TJP1: variants seen among roughly 807,000 people sequenced by gnomAD.
TJP1 encodes tight junction protein 1.
A neutral mutation model predicts 194.2 loss-of-function variants in TJP1; 43 were observed. The ratio of observed to expected loss-of-function variants is 0.22; its 90% CI spans 0.17 to 0.29. The LOEUF (loss-of-function observed/expected upper bound fraction) is 0.29. Ranked by LOEUF, TJP1 falls within the 10% of genes least tolerant of loss-of-function variation. The pLI, the probability that TJP1 is intolerant of heterozygous loss-of-function variation, is 1.00. For missense variants in TJP1, 1,971 were observed against 2,185.7 expected (o/e 0.90, Z 1.96); for synonymous variants, 801 against 779.0 (o/e 1.03, Z -0.47).
At chr15:29,791,658 G>C (rs2048101996) in intron 2 of TJP1, among the ~76,000 whole-genome samples, 2 of 152,092 alleles carry the variant, frequency 1.3e-5, no homozygotes, top group South Asian at 2.1e-4. Context: ...CTCCCAAAGT[G>C]CTGGGATTAC....
intron 8 of TJP1, among the ~76,000 whole-genome samples, chr15:29,753,822 G>GA (rs59926060): frequency 0.18 from 12,606 of 68,252 alleles, 541 homozygotes; most frequent in East Asian, 0.21. Context: ...AAGGGAAACA[G>GA]AAAAAAAAAA....
At chr15:29,750,465 C>T (rs1458871800) in intron 8 of TJP1, among the ~76,000 whole-genome samples, 1 of 152,164 alleles carries the variant, frequency 6.6e-6, no homozygotes, top group African/African-American at 2.4e-5. Context: ...ATCTTCAGAG[C>T]TCTCTTTAGT....
At chr15:29,860,596 T>TATTA (rs1301398807) in intron 2 of TJP1, among the ~76,000 whole-genome samples, 2 of 152,210 alleles carry the variant, frequency 1.3e-5, no homozygotes, top group Non-Finnish European at 2.9e-5. Context: ...GTATCACATG[T>TATTA]ATTAATACTT....
At chr15:29,939,025 T>A (rs987774207) in intron 2 of TJP1, among the ~76,000 whole-genome samples, 1 of 152,216 alleles carries the variant, frequency 6.6e-6, no homozygotes, top group Non-Finnish European at 1.5e-5. Context: ...TACCATCTAC[T>A]AAGCAGAAAG....
chr15:29,709,502 C>T (rs956002675), intron 24 of TJP1, among the ~76,000 whole-genome samples: 3 of 152,184 alleles, frequency 2.0e-5, no homozygotes, highest in African/African-American at 7.2e-5. Context: ...CACAGTGTAA[C>T]ACAGTACCAA....
chr15:29,911,984 G>C (rs1403354), intron 2 of TJP1, among the ~76,000 whole-genome samples: 31,868 of 152,166 alleles, frequency 0.21, 3,630 homozygotes, highest in African/African-American at 0.3. Flanking sequence ...CACCTGGGCT[G>C]CTATAACAAG....
At chr15:29,963,091 A>T (rs2056215893) in intron 1 of TJP1, among the ~76,000 whole-genome samples, 1 of 152,204 alleles carries the variant, frequency 6.6e-6, no homozygotes, top group Admixed American at 6.5e-5. Context: ...CAGTGAGCTG[A>T]GATCGCGCCA....
At chr15:29,868,912 G>A (rs751469181) in intron 2 of TJP1, among the ~76,000 whole-genome samples, 2 of 151,978 alleles carry the variant, frequency 1.3e-5, no homozygotes, top group Admixed American at 6.6e-5. Flanking sequence ...TTAAAAGTGT[G>A]GAACTGGAGA....
At chr15:29,806,153 T>C (rs1278000112) in intron 1 of TJP1, among the ~76,000 whole-genome samples, 1 of 152,082 alleles carries the variant, frequency 6.6e-6, no homozygotes, top group East Asian at 1.9e-4. Context: ...AGTTAGAAAG[T>C]TAGTGAGAAG....
chr15:29,798,051 G>A (rs1395405985), intron 2 of TJP1, among the ~76,000 whole-genome samples: 2 of 152,138 alleles, frequency 1.3e-5, no homozygotes, highest in Non-Finnish European at 2.9e-5. Context: ...TCGGCTCATT[G>A]CAACCTCCAT....
intron 1 of TJP1, among the ~76,000 whole-genome samples, chr15:29,961,006 A>T (rs1214467080): frequency 2.0e-5 from 3 of 152,192 alleles, no homozygotes; most frequent in Non-Finnish European, 4.4e-5. Flanking sequence ...GTCTTTAAAA[A>T]TATTTGTCTT....
chr15:29,752,907 G>C (rs753852628), intron 8 of TJP1, among the ~76,000 whole-genome samples: 2 of 152,010 alleles, frequency 1.3e-5, no homozygotes, highest in Non-Finnish European at 2.9e-5. Context: ...CCAGTAGGTC[G>C]AGTTTCCATC....
At chr15:29,840,534 A>C (rs74828441) in intron 2 of TJP1, among the ~76,000 whole-genome samples, 5,127 of 152,276 alleles carry the variant, frequency 0.034, 116 homozygotes, top group East Asian at 0.072. Flanking sequence ...GAAATGCTCC[A>C]GACAGCACCC....
At chr15:29,741,066 A>ATTTT in intron 10 of TJP1, 2 of 220,922 alleles carry the variant, frequency 9.1e-6, no homozygotes, top group Non-Finnish European at 8.6e-6. Flanking sequence ...TCTGAATAGA[A>ATTTT]TTTTTTTTTT....
chr15:29,927,396 T>A (rs1392979483), intron 2 of TJP1, among the ~76,000 whole-genome samples: 1 of 152,048 alleles, frequency 6.6e-6, no homozygotes, highest in Non-Finnish European at 1.5e-5. Context: ...ATAAATAAAA[T>A]GTGTCCACTT....
At chr15:29,789,633 T>C (rs761249041) in intron 2 of TJP1, among the ~76,000 whole-genome samples, 6 of 152,162 alleles carry the variant, frequency 3.9e-5, no homozygotes, top group African/African-American at 9.7e-5. Context: ...AGACAGTAAA[T>C]AGCAGAAAAT....
intron 2 of TJP1, among the ~76,000 whole-genome samples, chr15:29,794,176 AAAAC>A (rs770863066): frequency 3.9e-5 from 6 of 152,160 alleles, no homozygotes; most frequent in Non-Finnish European, 7.4e-5. Context: ...CAAAAAACCA[AAAAC>A]AAACAAAAAA....
chr15:29,800,810 GTTAATA>G, intron 1 of TJP1, 108 bp from the exon 2 acceptor site: 1 of 1,066,488 alleles, frequency 9.4e-7, no homozygotes, highest in Non-Finnish European at 1.4e-6. Context: ...AAAATTCACA[GTTAATA>G]TTAGAGACAC....
intron 2 of TJP1, among the ~76,000 whole-genome samples, chr15:29,781,321 CA>C (rs1186812008): frequency 6.6e-6 from 1 of 152,080 alleles, no homozygotes; most frequent in East Asian, 1.9e-4. Context: ...GAAAGTGAAT[CA>C]GTAGTAAATA....
Sources: gnomAD v4.1 joint callset for allele counts (sites outside exome capture counted in the v4.1 genomes callset) on GRCh38, gnomAD v4.1.1 for gene constraint, MANE v1.5 for transcripts, NCBI Gene and HGNC (gene_info 2026-07-23, HGNC 2026-07-21) for gene names.